Variants in LINGO1 observed in about 807,000 individuals in gnomAD.
LINGO1 encodes leucine-rich repeat and immunoglobulin-like domain-containing nogo receptor-interacting protein 1.
Under a neutral mutation model 37.3 loss-of-function variants are expected in LINGO1, and 11 were observed. The observed-to-expected ratio is 0.29, with a 90% CI of 0.19 to 0.49. The LOEUF (loss-of-function observed/expected upper bound fraction) is 0.49, where lower values mean the gene tolerates loss of function less well. LINGO1 is among the 20% of genes least tolerant of loss of function. The pLI is 0.99. For missense variants in LINGO1, 585 were observed against 878.2 expected (o/e 0.67, Z 4.22); for synonymous variants, 387 against 403.0 (o/e 0.96, Z 0.48).
chr15:77,646,499 C>T (rs754896648), intron 3 of LINGO1: 16 of 453,958 alleles, frequency 3.5e-5, no homozygotes, highest in East Asian at 7.0e-5. Context: ...CTCCTCTCTG[C>T]ACCCCAAATA....
At chr15:77,779,262 T>TC (rs1239931446) in intron 1 of LINGO1, among the ~76,000 whole-genome samples, 1 of 151,966 alleles carries the variant, frequency 6.6e-6, no homozygotes, top group Non-Finnish European at 1.5e-5. Context: ...TTAATATCTC[T>TC]CTCCCCCACT....
At chr15:77,643,398 C>A (rs1291606968) in intron 3 of LINGO1, among the ~76,000 whole-genome samples, 1 of 152,180 alleles carries the variant, frequency 6.6e-6, no homozygotes, top group Non-Finnish European at 1.5e-5. Flanking sequence ...CCTCTCCCCT[C>A]CCCGTCTAGG....
At position 77,614,170 on chromosome 15, in the gene LINGO1, C is replaced by T; in HGVS notation, c.1737G>A (p.Leu579=). The change falls in exon 2 of 2, where the codon CTG becomes CTA. Residue 579 remains leucine, a synonymous_variant. Coordinates refer to ENST00000355300, the MANE Select transcript of LINGO1 (RefSeq NM_032808.7). ...LGVVLFCLVL[L]FLWSRGKGNT... is the part of the protein sequence containing the mutation. ...TGCCCTTGCCCCGGCTCCAGAGAAA[C>T]AGCAGCACCAGGCAGAAGAGGACGA... 1 of 1,614,016 alleles carries T rather than the reference C, an allele frequency of 6.2e-7. No individual in the cohort carries two copies. Among genetic ancestry groups the T allele is most frequent in the Non-Finnish European group, 8.5e-7 (1 of 1,179,902 alleles).
chr15:77,648,946 A>C (rs1414270336), intron 3 of LINGO1: 6 of 152,338 alleles, frequency 3.9e-5, no homozygotes, highest in Non-Finnish European at 5.9e-5. Flanking sequence ...CACACACCCC[A>C]GTGGCCTCCA....
At chr15:77,699,715 A>ATCATCTG (rs1567532179), upstream of LINGO1, among the ~76,000 whole-genome samples, 13 of 5,990 alleles carry the variant, frequency 2.2e-3, no homozygotes, top group East Asian at 5.2e-3. Flanking sequence ...CATCATTCCC[A>ATCATCTG]CACACAATAA....
intron 1 of LINGO1, chr15:77,819,605 C>G (rs1233307041): frequency 6.6e-6 from 1 of 151,694 alleles, no homozygotes; most frequent in Non-Finnish European, 1.5e-5. Context: ...GGCGCGCACA[C>G]CCGGCTCCGC....
intron 1 of LINGO1, among the ~76,000 whole-genome samples, chr15:77,748,627 C>A (rs1354964586): frequency 1.3e-5 from 2 of 152,176 alleles, no homozygotes; most frequent in East Asian, 3.9e-4. Flanking sequence ...CTTTTCCTCC[C>A]CACAACTCTG....
At chr15:77,665,896 C>G (rs2075118590) in intron 3 of LINGO1, among the ~76,000 whole-genome samples, 1 of 152,350 alleles carries the variant, frequency 6.6e-6, no homozygotes, top group South Asian at 2.1e-4. Flanking sequence ...CTCTTCTGTG[C>G]AGCCTCTCTC....
intron 1 of LINGO1, among the ~76,000 whole-genome samples, chr15:77,782,925 A>G: frequency 6.6e-6 from 1 of 152,000 alleles, no homozygotes; most frequent in Non-Finnish European, 1.5e-5. Context: ...GCTCCTCAGC[A>G]GGGCGGCTAA....
upstream of LINGO1, among the ~76,000 whole-genome samples, chr15:77,638,287 GT>G (rs113796025): frequency 0.12 from 18,601 of 152,152 alleles, 1,888 homozygotes; most frequent in African/African-American, 0.28. Flanking sequence ...CCCCGCCGAA[GT>G]TCCCCCCAGG....
chr15:77,749,079 T>C (rs1185327160), intron 1 of LINGO1, among the ~76,000 whole-genome samples: 1 of 151,906 alleles, frequency 6.6e-6, no homozygotes, highest in Non-Finnish European at 1.5e-5. Context: ...GGCTAATTTT[T>C]GTATTTTTAG....
intron 2 of LINGO1, among the ~76,000 whole-genome samples, chr15:77,714,213 C>A (rs376553961): frequency 3.5e-4 from 53 of 152,312 alleles, no homozygotes; most frequent in African/African-American, 1.3e-3. Flanking sequence ...ATGACCTTCT[C>A]CCTGTCCCCA....
At chr15:77,815,977 G>A (rs1047034084) in intron 1 of LINGO1, among the ~76,000 whole-genome samples, 3 of 152,084 alleles carry the variant, frequency 2.0e-5, no homozygotes, top group African/African-American at 4.8e-5. Flanking sequence ...CTTTGCCAGT[G>A]CCGTGCCATC....
chr15:77,742,880 A>G (rs956281472), intron 1 of LINGO1, among the ~76,000 whole-genome samples: 3 of 152,202 alleles, frequency 2.0e-5, no homozygotes, highest in Non-Finnish European at 4.4e-5. Flanking sequence ...CTAGGTGTGG[A>G]CCAGCCCTGG....
In LINGO1 at chr15:77,613,897, G is replaced by C. The variant is rs562521573; in HGVS notation, c.*147C>G. The C allele has an allele frequency of 1.4e-6, 1 of 715,056 alleles. No individual in the cohort carries two copies. Among genetic ancestry groups the C allele is most frequent in the Non-Finnish European group, 2.3e-6 (1 of 441,430 alleles). The allele number at this position is 715,056 out of a possible 1,614,324, so 44.3% of individuals were successfully genotyped here. On this transcript the variant is annotated 3_prime_UTR_variant, in exon 2 of 2. Transcript: ENST00000355300. ...AGGGCAGGTGGTGAGGGCTGGCGGG[G>C]GGCAGCAGGGGACGGAGGCGGGAGG...
chr15:77,664,227 G>A (rs1412035894), intron 3 of LINGO1, among the ~76,000 whole-genome samples: 1 of 152,024 alleles, frequency 6.6e-6, no homozygotes, highest in Non-Finnish European at 1.5e-5. Context: ...TGGAAAGGGA[G>A]GAGGCTTGCT....
chr15:77,766,308 A>AAAAAAC (rs1555539945), intron 1 of LINGO1, among the ~76,000 whole-genome samples: 6 of 146,450 alleles, frequency 4.1e-5, no homozygotes, highest in African/African-American at 1.6e-4. Context: ...AAAAAAAAAA[A>AAAAAAC]AAAAAAAAAC....
intron 2 of LINGO1, among the ~76,000 whole-genome samples, chr15:77,690,255 C>T (rs1446267587): frequency 6.6e-6 from 1 of 152,112 alleles, no homozygotes; most frequent in East Asian, 1.9e-4. Flanking sequence ...GTTAAAGGTT[C>T]AGGATGAGCT....
intron 2 of LINGO1, among the ~76,000 whole-genome samples, chr15:77,720,234 C>A (rs1350005006): frequency 7.4e-6 from 1 of 135,554 alleles, no homozygotes; most frequent in Non-Finnish European, 1.7e-5. Context: ...TTAATTATCT[C>A]CATGCTGTCC....
Sources: allele counts gnomAD v4.1 joint callset (sites outside exome capture counted in the v4.1 genomes callset), GRCh38; gene constraint gnomAD v4.1.1; transcripts MANE v1.5; gene names NCBI Gene and HGNC (gene_info 2026-07-23, HGNC 2026-07-21).